Variants in GLI2 observed in about 807,000 individuals in gnomAD.
GLI2 encodes the protein GLI family zinc finger 2.
In GLI2, 22 loss-of-function variants were observed where a neutral mutation model predicts 78.9. That is an observed-to-expected ratio of 0.28 (90% confidence interval 0.20 to 0.40). The LOEUF (loss-of-function observed/expected upper bound fraction) is 0.40. GLI2 is among the 10% of genes least tolerant of loss of function. The pLI is 1.00. For synonymous variants in GLI2, 974 were observed against 963.7 expected, an observed-to-expected ratio of 1.01 and a Z score of -0.20; for missense variants, 2,097 against 2,213.2, an observed-to-expected ratio of 0.95 and a Z score of 1.05.
At chr2:120,860,092 G>A (rs1017830764) in intron 2 of GLI2, among the ~76,000 whole-genome samples, 5 of 152,176 alleles carry the variant, frequency 3.3e-5, no homozygotes, top group African/African-American at 7.2e-5. Flanking sequence ...GCAGGTGCAC[G>A]CCCTCCTCCT....
intron 2 of GLI2, among the ~76,000 whole-genome samples, chr2:120,798,783 C>G (rs62150674): frequency 6.6e-6 from 1 of 152,098 alleles, no homozygotes; most frequent in African/African-American, 2.4e-5. Flanking sequence ...GCTGGTGGAG[C>G]GGCCCTGGTC....
intron 2 of GLI2, among the ~76,000 whole-genome samples, chr2:120,804,732 T>A (rs1684863915): frequency 6.6e-6 from 1 of 152,204 alleles, no homozygotes; most frequent in African/African-American, 2.4e-5. Context: ...AGAGCTGAGT[T>A]CCCCTGACAG....
intron 2 of GLI2, among the ~76,000 whole-genome samples, chr2:120,845,135 T>C (rs1225996137): frequency 3.3e-5 from 5 of 151,978 alleles, no homozygotes; most frequent in Non-Finnish European, 7.4e-5. Context: ...TAGGCAGCCA[T>C]GGTGGTGCAC....
At chr2:120,745,405 C>T (rs1303560677) in intron 1 of GLI2, among the ~76,000 whole-genome samples, 1 of 152,078 alleles carries the variant, frequency 6.6e-6, no homozygotes, top group Non-Finnish European at 1.5e-5. Context: ...TTTATGGTCC[C>T]TAAGAAAAGT....
chr2:120,896,228 C>G (rs1208943331), intron 2 of GLI2, among the ~76,000 whole-genome samples: 1 of 152,002 alleles, frequency 6.6e-6, no homozygotes, highest in Non-Finnish European at 1.5e-5. Context: ...CCCCCACCCT[C>G]TCTCCGCCCC....
intron 8 of GLI2, among the ~76,000 whole-genome samples, chr2:120,973,936 C>T (rs1467193362): frequency 6.6e-6 from 1 of 152,118 alleles, no homozygotes; most frequent in East Asian, 1.9e-4. Flanking sequence ...AAATTGTGAC[C>T]TGGGCAGCTA....
At chr2:120,933,774 C>T (rs1455477884) in intron 3 of GLI2, among the ~76,000 whole-genome samples, 2 of 152,052 alleles carry the variant, frequency 1.3e-5, no homozygotes, top group African/African-American at 4.8e-5. Flanking sequence ...TGTAGAAGTC[C>T]ATGCTCCTGG....
At chr2:120,772,582 C>T (rs1263290858) in intron 1 of GLI2, among the ~76,000 whole-genome samples, 1 of 152,264 alleles carries the variant, frequency 6.6e-6, no homozygotes, top group Non-Finnish European at 1.5e-5. Flanking sequence ...CCCTTCGGGC[C>T]TGGCCATAGG....
intron 2 of GLI2, among the ~76,000 whole-genome samples, chr2:120,871,516 T>C (rs1272804017): frequency 6.6e-6 from 1 of 152,260 alleles, no homozygotes; most frequent in African/African-American, 2.4e-5. Context: ...GACAGAACTT[T>C]GCTTTCCTCC....
Position 120,988,874 on chromosome 2 carries a change from T to A in GLI2, c.2909T>A (p.Phe970Tyr). 3 of 1,500,988 alleles carry A rather than the reference T, an allele frequency of 2.0e-6. No individual in the cohort carries two copies. In the South Asian group the frequency reaches 3.6e-5, roughly 18 times the overall value. The allele number at this position is 1,500,988 out of a possible 1,614,324, so 93.0% of individuals were successfully genotyped here. Residue 970 changes from phenylalanine to tyrosine, a missense_variant, in exon 14 of 14, where the codon TTC (phenylalanine) becomes TAC (tyrosine). By Grantham distance (22) the Phe-to-Tyr change is conservative. Transcript: ENST00000361492. The part of the protein sequence containing the change: ...DALSLPRVQR[F>Y]HSTHNVNPGP... ...CTGTCCCTGCCGCGGGTGCAGCGCT[T>A]CCACAGCACCCACAACGTGAACCCC...
chr2:120,806,676 G>A (rs890638640), intron 2 of GLI2, among the ~76,000 whole-genome samples: 4 of 152,304 alleles, frequency 2.6e-5, no homozygotes, highest in African/African-American at 7.2e-5. Flanking sequence ...GCGGGGAGGC[G>A]CAGAGATGGC....
In GLI2 at chr2:120,970,721, C is replaced by T. The variant is rs567298398; in HGVS notation, c.1059+115C>T. 3.1e-4 allele frequency: 275 copies of T among 882,506 alleles called. No individual in the cohort carries two copies. In the African/African-American group the frequency reaches 3.1e-3, roughly 10 times the overall value. The allele number at this position is 882,506 out of a possible 1,614,324, so 54.7% of individuals were successfully genotyped here. On this transcript the variant is annotated intron_variant, in intron 7 of 13. Coordinates refer to ENST00000361492, the MANE Select transcript of GLI2 (RefSeq NM_001374353.1). The stretch of plus-strand genomic sequence containing the variant: ...GAGGGCCTCTGGATTTACGTCTGGC[C>T]GCTAGGGTGCCTTCTGGGCAGAGGC...
intron 1 of GLI2, among the ~76,000 whole-genome samples, chr2:120,760,904 G>A (rs1308998356): frequency 1.3e-5 from 2 of 152,144 alleles, no homozygotes; most frequent in Non-Finnish European, 2.9e-5. Flanking sequence ...GACCCTGAAC[G>A]CCCTCTTGCG....
At chr2:120,746,688 C>T (rs2104627253) in intron 1 of GLI2, among the ~76,000 whole-genome samples, 1 of 152,270 alleles carries the variant, frequency 6.6e-6, no homozygotes, top group South Asian at 2.1e-4. Context: ...AAAAAAGCCG[C>T]AAAACATTAT....
At chr2:120,817,340 C>T (rs960284596) in intron 2 of GLI2, among the ~76,000 whole-genome samples, 10 of 152,190 alleles carry the variant, frequency 6.6e-5, no homozygotes, top group Non-Finnish European at 1.2e-4. Context: ...AGTCTGGCTG[C>T]GCTTGTGCCC....
At position 120,886,208 on chromosome 2, in the gene GLI2, GTGCGTGTA is replaced by G. The variant is rs1476905964; in HGVS notation, c.149-41151_149-41144del. Among the ~76,000 whole-genome samples the G allele has an allele frequency of 0.016, 412 of 26,018 alleles. 11 individuals carry two copies. In the African/African-American group the frequency reaches 0.19, roughly 12 times the overall value. 17.1% of individuals were successfully genotyped at this position (26,018 alleles called of 152,430 possible). A position where few individuals can be genotyped will look rare whatever the true frequency, so the allele number is the denominator to read the frequency against. ...TGTGTGTGTGTGTGTGTGTGTGTGT[GTGCGTGTA>G]TATTTTGGTTTTGGGTTTTTGTTTT... On this transcript the variant is annotated intron_variant, in intron 2 of 13. Coordinates refer to ENST00000361492, the MANE Select transcript of GLI2 (RefSeq NM_001374353.1).
At chr2:120,852,368 G>A (rs1396982622) in intron 2 of GLI2, among the ~76,000 whole-genome samples, 1 of 152,200 alleles carries the variant, frequency 6.6e-6, no homozygotes, top group Non-Finnish European at 1.5e-5. Context: ...CTTGGGTGGG[G>A]CCACTGCAGG....
chr2:120,804,929 C>A (rs893143156), intron 2 of GLI2, among the ~76,000 whole-genome samples: 3 of 152,348 alleles, frequency 2.0e-5, no homozygotes, highest in Admixed American at 6.5e-5. Context: ...TTCTTACCCT[C>A]TGCTTACCAG....
intron 2 of GLI2, among the ~76,000 whole-genome samples, chr2:120,865,646 T>G (rs1688094119): frequency 6.6e-6 from 1 of 152,204 alleles, no homozygotes; most frequent in Non-Finnish European, 1.5e-5. Context: ...CTGATCCCTT[T>G]GCAACCCCAT....
Sources: allele counts gnomAD v4.1 joint callset (sites outside exome capture counted in the v4.1 genomes callset), GRCh38; gene constraint gnomAD v4.1.1; transcripts MANE v1.5; gene names NCBI Gene and HGNC (gene_info 2026-07-23, HGNC 2026-07-21).